LRRFIP1: variants seen among roughly 807,000 people sequenced by gnomAD.
LRRFIP1 encodes the protein leucine-rich repeat flightless-interacting protein 1.
LRRFIP1 carries 62 observed loss-of-function variants against 104.4 expected under a neutral mutation model. That is an observed-to-expected ratio of 0.59 (90% CI 0.48 to 0.73). The LOEUF is 0.73. LRRFIP1 is among the 30% of genes least tolerant of loss of function. The pLI is 0.00. For synonymous variants in LRRFIP1, 300 were observed against 299.0 expected, an observed-to-expected ratio of 1.00 and a Z score of -0.03; for missense variants, 796 against 824.5, an observed-to-expected ratio of 0.97 and a Z score of 0.42.
At chr2:237,646,834 G>A (rs1347474745) in intron 1 of LRRFIP1, among the ~76,000 whole-genome samples, 1 of 151,986 alleles carries the variant, frequency 6.6e-6, no homozygotes, top group African/African-American at 2.4e-5. Flanking sequence ...ATACATTTCT[G>A]TTGTTTAAGC....
intron 1 of LRRFIP1, among the ~76,000 whole-genome samples, chr2:237,640,685 A>G (rs2083816288): frequency 6.6e-6 from 1 of 152,052 alleles, no homozygotes; most frequent in African/African-American, 2.4e-5. Context: ...AGATGACCAG[A>G]TCATTGTCTT....
At chr2:237,762,581 A>C (rs1268024036) in intron 19 of LRRFIP1, 2 of 1,566,688 alleles carry the variant, frequency 1.3e-6, no homozygotes, top group Non-Finnish European at 1.7e-6. Flanking sequence ...GGGTCCCTTC[A>C]ATTTTCTCAA....
chr2:237,652,802 C>T lies in LRRFIP1; in HGVS notation c.96+25062C>T, dbSNP rs192643848. 1.5e-3 allele frequency among the ~76,000 whole-genome samples: 229 copies of T among 152,300 alleles called. 1 individual carries two copies. Among genetic ancestry groups the T allele is most frequent in the Middle Eastern group, 6.8e-3 (2 of 294 alleles). The stretch of plus-strand genomic sequence containing the variant: ...GGTTGAGAATGTTGTGAGCCATGAT[C>T]GTGCCACTGCACTCCAGCCTGGGCT... On this transcript the variant is annotated intron_variant, in intron 1 of 23. Coordinates refer to ENST00000308482, the MANE Select transcript of LRRFIP1 (RefSeq NM_001137550.2).
intron 17 of LRRFIP1, 31 bp from the exon 18 acceptor site, chr2:237,758,698 C>T: frequency 1.3e-6 from 2 of 1,519,802 alleles, no homozygotes; most frequent in Non-Finnish European, 1.8e-6. Flanking sequence ...TGCAAATCTT[C>T]TTCTTTCTCT....
At chr2:237,709,172 A>G (rs2093958211) in intron 2 of LRRFIP1, among the ~76,000 whole-genome samples, 2 of 152,176 alleles carry the variant, frequency 1.3e-5, no homozygotes, top group African/African-American at 4.8e-5. Context: ...ATGGCTAGCA[A>G]TGTGTTGACA....
chr2:237,677,662 T>C (rs2091317026), intron 1 of LRRFIP1, among the ~76,000 whole-genome samples: 1 of 152,176 alleles, frequency 6.6e-6, no homozygotes, highest in African/African-American at 2.4e-5. Context: ...ATTAATAAAA[T>C]GTGAATTATT....
Position 237,735,249 on chromosome 2 carries a change from C to T in LRRFIP1, c.490-19C>T. 1 of 1,610,510 alleles carries T rather than the reference C, an allele frequency of 6.2e-7. No individual in the cohort carries two copies. Among genetic ancestry groups the T allele is most frequent in the Non-Finnish European group, 8.5e-7 (1 of 1,177,900 alleles). On this transcript the variant is annotated intron_variant, in intron 9 of 23. Transcript: ENST00000308482. The surrounding 1 kb of genome is among the most constrained non-coding windows in gnomAD (Gnocchi z 4.6). ...GAGAAAGGAAGAGCGCCCATCCTGACAGTCTCTTTTGGTCGCAGGCGTCTG... is the reference window on the plus strand; with the variant it reads ...GAGAAAGGAAGAGCGCCCATCCTGATAGTCTCTTTTGGTCGCAGGCGTCTG...
At chr2:237,663,382 A>C (rs2088447423) in intron 1 of LRRFIP1, among the ~76,000 whole-genome samples, 1 of 152,030 alleles carries the variant, frequency 6.6e-6, no homozygotes, top group Non-Finnish European at 1.5e-5. Context: ...AGGGCATGAG[A>C]GTAAATGAGA....
intron 1 of LRRFIP1, among the ~76,000 whole-genome samples, chr2:237,681,721 C>T (rs1275266721): frequency 1.1e-5 from 1 of 92,718 alleles, no homozygotes; most frequent in Non-Finnish European, 2.1e-5. Context: ...GCTCTGTCGC[C>T]CAGGCTGGAG....
intron 21 of LRRFIP1, chr2:237,772,416 C>A (rs1432392915): frequency 3.9e-6 from 2 of 507,350 alleles, no homozygotes; most frequent in African/African-American, 3.8e-5. Context: ...AAACGTGCAC[C>A]AAGATACCAC....
chr2:237,751,863 C>T (rs2058667929), intron 14 of LRRFIP1, among the ~76,000 whole-genome samples: 1 of 152,192 alleles, frequency 6.6e-6, no homozygotes, highest in Non-Finnish European at 1.5e-5. Context: ...TGCCCTGTTC[C>T]TTGACAGTAA....
At chr2:237,721,859 G>A (rs2094546551) in intron 6 of LRRFIP1, 1 of 152,248 alleles carries the variant, frequency 6.6e-6, no homozygotes, top group South Asian at 2.1e-4. Flanking sequence ...GGCCCCGTGA[G>A]GGCTTCCTTG....
At chr2:237,727,990 C>T (rs966931590) in intron 8 of LRRFIP1, 55 bp downstream of exon 8, 17 of 1,300,002 alleles carry the variant, frequency 1.3e-5, no homozygotes, top group Non-Finnish European at 1.7e-5. Flanking sequence ...TTCAAAGCTT[C>T]TAGAACTAAA....
intron 1 of LRRFIP1, among the ~76,000 whole-genome samples, chr2:237,687,155 G>A (rs77039701): frequency 0.056 from 8,538 of 152,268 alleles, 751 homozygotes; most frequent in African/African-American, 0.19. Context: ...ACCTAGCTTC[G>A]CTCTTCCAAT....
intron 1 of LRRFIP1, among the ~76,000 whole-genome samples, chr2:237,669,664 C>A (rs7607559): frequency 6.6e-6 from 1 of 152,106 alleles, no homozygotes; most frequent in African/African-American, 2.4e-5. Flanking sequence ...GAGGCCGTCA[C>A]GGTTTGTTGA....
chr2:237,656,425 G>A (rs890145014), intron 1 of LRRFIP1, among the ~76,000 whole-genome samples: 4 of 152,150 alleles, frequency 2.6e-5, no homozygotes, highest in African/African-American at 7.2e-5. Context: ...GAAATATATG[G>A]TTTATCATGT....
At chr2:237,752,757 G>A (rs2058780872) in intron 14 of LRRFIP1, among the ~76,000 whole-genome samples, 1 of 152,224 alleles carries the variant, frequency 6.6e-6, no homozygotes, top group Non-Finnish European at 1.5e-5. Flanking sequence ...GACCTACCCA[G>A]TGAGATCTGC....
chr2:237,734,986 A>G (rs941362120), intron 9 of LRRFIP1, among the ~76,000 whole-genome samples: 1 of 152,176 alleles, frequency 6.6e-6, no homozygotes, highest in South Asian at 2.1e-4. Context: ...ACAAGTTTTC[A>G]CTTAGGCCTG....
Position 237,735,472 on chromosome 2 carries a change from T to C in LRRFIP1, c.555+139T>C. The C allele has an allele frequency of 1.4e-6, 1 of 703,842 alleles. No homozygotes were observed. The highest frequency in any genetic ancestry group is 2.3e-6 in the Non-Finnish European group (1 of 436,340). 43.6% of individuals were successfully genotyped at this position (703,842 alleles called of 1,614,324 possible). Reference sequence around the variant, plus strand: ...CCGAGTCACCGGGCTAACCGCCACCTTCCATTGTAATGAAGGTCACAAATA... The same window carrying C: ...CCGAGTCACCGGGCTAACCGCCACCCTCCATTGTAATGAAGGTCACAAATA... On this transcript the variant is annotated intron_variant, in intron 10 of 23. Transcript: ENST00000308482. The surrounding 1 kb of genome is among the most constrained non-coding windows in gnomAD (Gnocchi z 4.6).
Sources: gnomAD v4.1 joint callset for allele counts (sites outside exome capture counted in the v4.1 genomes callset) on GRCh38, gnomAD v4.1.1 for gene constraint, Gnocchi (gnomAD v3.1) non-coding constraint, MANE v1.5 for transcripts, NCBI Gene and HGNC (gene_info 2026-07-23, HGNC 2026-07-21) for gene names.